The following ARHGAP44 variants were observed in gnomAD, a reference collection of about 807,000 sequenced individuals.
ARHGAP44 encodes the protein Rho GTPase activating protein 44, also known as rho GTPase-activating protein 44.
ARHGAP44 carries 43 observed loss-of-function variants against 106.8 expected under a neutral mutation model. The observed-to-expected ratio is 0.40, with a 90% CI of 0.32 to 0.52. The LOEUF is 0.52. ARHGAP44 is among the 20% of genes least tolerant of loss of function. ARHGAP44 has a pLI of 0.48. For synonymous variants in ARHGAP44, 439 were observed against 410.3 expected (o/e 1.07, Z -0.85); for missense variants, 866 against 1,050.5 (o/e 0.82, Z 2.43).
At position 12,924,383 on chromosome 17, in the gene ARHGAP44, C is replaced by T. The variant is rs374456306; in HGVS notation, c.465-4546C>T. Among the ~76,000 whole-genome samples, 227 of 152,256 alleles carry T rather than the reference C, an allele frequency of 1.5e-3. 7 individuals carry two copies. In the South Asian group the frequency reaches 0.043, roughly 29 times the overall value. On this transcript the variant is annotated intron_variant, in intron 6 of 20. Coordinates refer to ENST00000379672, the MANE Select transcript of ARHGAP44 (RefSeq NM_014859.6). The stretch of plus-strand genomic sequence containing the variant: ...AGGTTGTGAATTGAATTGAATGATA[C>T]GCAAATTTCTTTTTTGTGTGTGATA...
chr17:12,944,224 C>T (rs949864769), intron 10 of ARHGAP44, 28 bp downstream of exon 10: 1 of 1,568,340 alleles, frequency 6.4e-7, no homozygotes, highest in Admixed American at 1.7e-5. Flanking sequence ...CACACGCCGC[C>T]CCGGGCAGGT....
At chr17:12,808,765 C>G (rs189556259) in intron 1 of ARHGAP44, among the ~76,000 whole-genome samples, 398 of 152,328 alleles carry the variant, frequency 2.6e-3, no homozygotes, top group Non-Finnish European at 4.5e-3. Flanking sequence ...GATTTGGCTC[C>G]TCGTTACTTA....
At chr17:12,963,516 C>T (rs75002189) in intron 16 of ARHGAP44, among the ~76,000 whole-genome samples, 15,293 of 152,318 alleles carry the variant, frequency 0.1, 894 homozygotes, top group South Asian at 0.2. Context: ...CAACCCAAGT[C>T]AGACCACCTC....
chr17:12,949,114 G>A lies in ARHGAP44; in HGVS notation c.862-26G>A, dbSNP rs1422423975. 1 of 1,550,018 alleles carries A rather than the reference G, an allele frequency of 6.5e-7. No homozygotes were observed. Among genetic ancestry groups the A allele is most frequent in the Non-Finnish European group, 8.7e-7 (1 of 1,145,364 alleles). On this transcript the variant is annotated intron_variant, in intron 10 of 20. Coordinates refer to ENST00000379672, the MANE Select transcript of ARHGAP44 (RefSeq NM_014859.6). The surrounding 1 kb of genome is among the most constrained non-coding windows in gnomAD (Gnocchi z 4.1). The stretch of plus-strand genomic sequence containing the variant: ...TGATGTTGTACCTTGGAGTTGCTGT[G>A]CGCTGACCCTCTGTCCTGTTGGTAG...
chr17:12,859,398 A>T (rs543889818), intron 1 of ARHGAP44, among the ~76,000 whole-genome samples: 6 of 152,194 alleles, frequency 3.9e-5, no homozygotes, highest in Non-Finnish European at 7.3e-5. Context: ...GCCATAGGGA[A>T]CTAATACAGG....
rs760606581 is a variant in ARHGAP44 at position 12,949,603 on chromosome 17, C to T, written c.974-46C>T. On this transcript the variant is annotated intron_variant, in intron 11 of 20. Coordinates refer to ENST00000379672, the MANE Select transcript of ARHGAP44 (RefSeq NM_014859.6). This position sits in a 1 kb window ranked among gnomAD's most constrained non-coding sequence, Gnocchi z 4.1. ...CAGTGCTGGCTGGTGGGTCTTGCCT[C>T]TGCCACATCATAACAGTTCACAACC... 9.4e-6 allele frequency: 15 copies of T among 1,592,000 alleles called. No homozygotes were observed. Among genetic ancestry groups the T allele is most frequent in the African/African-American group, 4.0e-5 (3 of 74,364 alleles).
chr17:12,909,623 G>T (rs968132463), intron 4 of ARHGAP44, among the ~76,000 whole-genome samples: 1 of 152,136 alleles, frequency 6.6e-6, no homozygotes, highest in African/African-American at 2.4e-5. Context: ...GAAAACAGAT[G>T]TAGAGCCGCC....
intron 1 of ARHGAP44, among the ~76,000 whole-genome samples, chr17:12,860,096 C>T (rs2036025598): frequency 8.5e-6 from 1 of 118,334 alleles, no homozygotes; most frequent in South Asian, 3.1e-4. Flanking sequence ...AAGGCATGCC[C>T]ACAAGTGAGT....
chr17:12,871,314 G>C (rs563703290), intron 1 of ARHGAP44, among the ~76,000 whole-genome samples: 1 of 152,114 alleles, frequency 6.6e-6, no homozygotes, highest in East Asian at 1.9e-4. Flanking sequence ...GAATGGTTTC[G>C]CACCATCCCC....
chr17:12,981,485 C>T (rs1233836305), intron 19 of ARHGAP44, among the ~76,000 whole-genome samples: 1 of 151,794 alleles, frequency 6.6e-6, no homozygotes, highest in African/African-American at 2.4e-5. Flanking sequence ...GCAACCTCCG[C>T]CTCCTGGGTT....
At chr17:12,850,647 G>A (rs949076179) in intron 1 of ARHGAP44, among the ~76,000 whole-genome samples, 7 of 152,136 alleles carry the variant, frequency 4.6e-5, no homozygotes, top group African/African-American at 1.7e-4. Context: ...CTTGGCACCA[G>A]CACTCACAGC....
At chr17:12,886,047 G>GT (rs1194673812) in intron 1 of ARHGAP44, among the ~76,000 whole-genome samples, 9 of 152,158 alleles carry the variant, frequency 5.9e-5, no homozygotes, top group Non-Finnish European at 1.2e-4. Flanking sequence ...ATGGGCCAGG[G>GT]TTCATAGTTT....
intron 6 of ARHGAP44, among the ~76,000 whole-genome samples, chr17:12,925,189 T>A (rs1490108447): frequency 6.6e-6 from 1 of 152,102 alleles, no homozygotes; most frequent in Admixed American, 6.5e-5. Flanking sequence ...TTGCCCCAAT[T>A]CCGAAAGTGC....
intron 13 of ARHGAP44, 43 bp downstream of exon 13, chr17:12,952,624 A>G (rs1429499629): frequency 1.4e-6 from 2 of 1,436,364 alleles, no homozygotes; most frequent in Non-Finnish European, 1.9e-6. Flanking sequence ...GCTTGGGCTT[A>G]TGTAAGCCTC....
At chr17:12,909,996 G>A (rs1403560822) in intron 4 of ARHGAP44, among the ~76,000 whole-genome samples, 3 of 152,096 alleles carry the variant, frequency 2.0e-5, no homozygotes, top group East Asian at 1.9e-4. Flanking sequence ...CTATGTATTC[G>A]TCAGCCACAA....
At chr17:12,930,086 G>A (rs1383226058) in intron 7 of ARHGAP44, among the ~76,000 whole-genome samples, 2 of 152,188 alleles carry the variant, frequency 1.3e-5, no homozygotes, top group Non-Finnish European at 2.9e-5. Context: ...TACTTCATAT[G>A]CCAGATTTTT....
intron 6 of ARHGAP44, among the ~76,000 whole-genome samples, chr17:12,924,923 C>T (rs2038189406): frequency 6.6e-6 from 1 of 152,172 alleles, no homozygotes; most frequent in Non-Finnish European, 1.5e-5. Flanking sequence ...TCTTTGGAAG[C>T]AAGTGAACTA....
At chr17:12,812,494 A>C (rs962439831) in intron 1 of ARHGAP44, among the ~76,000 whole-genome samples, 2 of 152,250 alleles carry the variant, frequency 1.3e-5, no homozygotes, top group Admixed American at 1.3e-4. Context: ...TTACTAACGC[A>C]TTAAATAGAT....
At chr17:12,880,569 A>C (rs2036697880) in intron 1 of ARHGAP44, among the ~76,000 whole-genome samples, 1 of 151,516 alleles carries the variant, frequency 6.6e-6, no homozygotes, top group African/African-American at 2.4e-5. Flanking sequence ...GGTAAACTTT[A>C]TTTTATTGCT....
Sources: allele counts gnomAD v4.1 joint callset (sites outside exome capture counted in the v4.1 genomes callset), GRCh38; gene constraint gnomAD v4.1.1; non-coding constraint Gnocchi (gnomAD v3.1); transcripts MANE v1.5; gene names NCBI Gene and HGNC (gene_info 2026-07-23, HGNC 2026-07-21).